Variants in PIP5K1B observed in about 807,000 individuals in gnomAD.
PIP5K1B encodes the protein phosphatidylinositol-4-phosphate 5-kinase type 1 beta, also known as phosphatidylinositol 4-phosphate 5-kinase type-1 beta.
In PIP5K1B, 42 loss-of-function variants were observed where a neutral mutation model predicts 67.0. The observed-to-expected ratio is 0.63, with a 90% CI of 0.49 to 0.81. PIP5K1B has a LOEUF of 0.81. PIP5K1B is among the 30% of genes least tolerant of loss of function. The pLI, the probability that PIP5K1B is intolerant of heterozygous loss-of-function variation, is 0.00. For synonymous variants in PIP5K1B, 214 were observed against 231.4 expected (o/e 0.92, Z 0.68); for missense variants, 459 against 646.3 (o/e 0.71, Z 3.14).
At chr9:68,822,489 G>T in intron 3 of PIP5K1B, 126 bp from the exon 4 acceptor site, 1 of 628,382 alleles carries the variant, frequency 1.6e-6, no homozygotes, top group Non-Finnish European at 2.8e-6. Context: ...TCTTCCTTAG[G>T]AACAACAGCA....
intron 5 of PIP5K1B, among the ~76,000 whole-genome samples, chr9:68,870,160 C>T (rs986264427): frequency 2.6e-5 from 4 of 152,162 alleles, no homozygotes; most frequent in South Asian, 2.1e-4. Context: ...TCTTCAAGCA[C>T]GGTTTTCCAG....
chr9:68,806,822 G>A (rs184656330), intron 2 of PIP5K1B, among the ~76,000 whole-genome samples: 1 of 152,070 alleles, frequency 6.6e-6, no homozygotes, highest in Non-Finnish European at 1.5e-5. Context: ...TTGTTGGTTT[G>A]TTGAAAGCAG....
intron 2 of PIP5K1B, among the ~76,000 whole-genome samples, chr9:68,772,051 C>CT (rs1830693339): frequency 1.3e-5 from 2 of 152,272 alleles, no homozygotes; most frequent in South Asian, 4.1e-4. Flanking sequence ...CATAATACTC[C>CT]TTTTTATCTT....
At chr9:69,006,771 C>A (rs10869690) in intron 15 of PIP5K1B, among the ~76,000 whole-genome samples, 1 of 152,096 alleles carries the variant, frequency 6.6e-6, no homozygotes, top group Non-Finnish European at 1.5e-5. Context: ...ATCTATAGAA[C>A]GAGGAAAGCA....
intron 15 of PIP5K1B, among the ~76,000 whole-genome samples, chr9:68,997,260 G>A (rs1188095862): frequency 6.6e-6 from 1 of 152,218 alleles, no homozygotes; most frequent in Non-Finnish European, 1.5e-5. Flanking sequence ...AGAAAATTCA[G>A]TGGAACTTTT....
At chr9:68,895,265 T>TAAAAAAAA (rs11342436) in intron 8 of PIP5K1B, among the ~76,000 whole-genome samples, 1 of 121,114 alleles carries the variant, frequency 8.3e-6, no homozygotes, top group Non-Finnish European at 1.7e-5. Context: ...TGCAATGCTT[T>TAAAAAAAA]AAAAAAAAAA....
intron 1 of PIP5K1B, among the ~76,000 whole-genome samples, chr9:68,706,559 T>A (rs1827135671): frequency 6.6e-6 from 1 of 152,198 alleles, no homozygotes; most frequent in Non-Finnish European, 1.5e-5. Flanking sequence ...AATTCTTTCA[T>A]CGAATCTACT....
intron 15 of PIP5K1B, among the ~76,000 whole-genome samples, chr9:68,998,148 G>A (rs1830675084): frequency 6.7e-6 from 1 of 149,414 alleles, no homozygotes; most frequent in South Asian, 2.1e-4. Context: ...TTGGCTCACT[G>A]CAACCTCCAC....
intron 14 of PIP5K1B, among the ~76,000 whole-genome samples, chr9:68,962,272 AAG>A (rs1828793397): frequency 1.2e-5 from 1 of 82,290 alleles, no homozygotes; most frequent in South Asian, 3.6e-4. Context: ...GTAAAATCAA[AAG>A]ATTTGAGCAC....
Position 68,781,036 on chromosome 9 carries a change from A to C in PIP5K1B, c.-85-37425A>C, listed in dbSNP as rs566727771. On this transcript the variant is annotated intron_variant, in intron 2 of 15. Coordinates refer to ENST00000265382, the MANE Select transcript of PIP5K1B (RefSeq NM_003558.4). ...GAACTTTCGTCTAAGTGATTCACTC[A>C]TCCTGAGACTTTCTTTTTGCAGTGG... is the stretch of plus-strand genomic sequence containing the variant. 42 of 1,605,096 alleles carry C rather than the reference A, an allele frequency of 2.6e-5. 1 individual carries two copies. The highest frequency in any genetic ancestry group is 3.3e-5 in the Non-Finnish European group (39 of 1,174,070).
chr9:68,889,839 T>C (rs1824687032), intron 7 of PIP5K1B, among the ~76,000 whole-genome samples: 1 of 152,008 alleles, frequency 6.6e-6, no homozygotes, highest in African/African-American at 2.4e-5. Flanking sequence ...GGAAGCAATG[T>C]GTTTCAAAGC....
At chr9:68,961,137 G>A (rs1828714800) in intron 14 of PIP5K1B, among the ~76,000 whole-genome samples, 1 of 151,536 alleles carries the variant, frequency 6.6e-6, no homozygotes, top group African/African-American at 2.4e-5. Flanking sequence ...GTGAACCCGG[G>A]AAGCGGAGCT....
chr9:68,973,878 A>G (rs1174233088), intron 14 of PIP5K1B, among the ~76,000 whole-genome samples: 2 of 151,950 alleles, frequency 1.3e-5, no homozygotes, highest in East Asian at 1.9e-4. Context: ...TTACTCAACA[A>G]TTTTTTTCGG....
chr9:68,720,973 C>G (rs1827852800), intron 1 of PIP5K1B, among the ~76,000 whole-genome samples: 1 of 152,208 alleles, frequency 6.6e-6, no homozygotes, highest in African/African-American at 2.4e-5. Flanking sequence ...ATTTCTTAAA[C>G]TCTTACTTTA....
At chr9:68,725,499 C>T (rs1287096729) in intron 1 of PIP5K1B, among the ~76,000 whole-genome samples, 1 of 152,136 alleles carries the variant, frequency 6.6e-6, no homozygotes, top group African/African-American at 2.4e-5. Context: ...AGAAAGAGAT[C>T]AGGCTCAGGG....
At chr9:68,754,265 G>T (rs535553625) in intron 2 of PIP5K1B, among the ~76,000 whole-genome samples, 2 of 140,458 alleles carry the variant, frequency 1.4e-5, no homozygotes, top group Non-Finnish European at 3.0e-5. Flanking sequence ...CACCCCCCGG[G>T]TTCACGCCAT....
At chr9:68,730,247 G>A (rs574597326) in intron 1 of PIP5K1B, among the ~76,000 whole-genome samples, 1 of 152,250 alleles carries the variant, frequency 6.6e-6, no homozygotes, top group South Asian at 2.1e-4. Flanking sequence ...ATGGCATGAA[G>A]AACAGAAGAA....
In PIP5K1B at chr9:68,889,141, A is replaced by G; in HGVS notation, c.471+8A>G. 6.2e-7 allele frequency: 1 copy of G among 1,602,898 alleles called. No homozygotes were observed. Among genetic ancestry groups the G allele is most frequent in the Non-Finnish European group, 8.5e-7 (1 of 1,171,540 alleles). On this transcript the variant is annotated splice_region_variant and intron_variant, in intron 7 of 15. Transcript: ENST00000265382. ...CTGCCAGGCTATTACATGGTAAGGA[A>G]CTGCACATCATTAATGCTTCTACTT...
At position 68,944,390 on chromosome 9, in the gene PIP5K1B, C is replaced by A. The variant is rs542653782; in HGVS notation, c.1502+3600C>A. Among the ~76,000 whole-genome samples the A allele has an allele frequency of 9.9e-5, 15 of 152,246 alleles. 2 individuals are homozygous for A. Among genetic ancestry groups the A allele is most frequent in the African/African-American group, 3.6e-4 (15 of 41,538 alleles). On this transcript the variant is annotated intron_variant, in intron 14 of 15. Coordinates refer to ENST00000265382, the MANE Select transcript of PIP5K1B (RefSeq NM_003558.4). ...TTATGAATATTTTCATGATTTCCTG[C>A]GTAGTTGGTAGCAAAGCCAAAGCTC...
Sources: allele counts gnomAD v4.1 joint callset (sites outside exome capture counted in the v4.1 genomes callset), GRCh38; gene constraint gnomAD v4.1.1; transcripts MANE v1.5; gene names NCBI Gene and HGNC (gene_info 2026-07-23, HGNC 2026-07-21).